Variants in ARL14EPL observed in about 807,000 individuals in gnomAD.
The protein encoded by ARL14EPL is ARL14 effector protein-like.
A neutral mutation model predicts 15.9 loss-of-function variants in ARL14EPL; 17 were observed. The ratio of observed to expected loss-of-function variants is 1.07; its 90% confidence interval spans 0.73 to 1.60. ARL14EPL has a LOEUF of 1.60. Among genes scored for constraint, ARL14EPL ranks in the 40% most tolerant of loss-of-function variants. The pLI is 0.00. For synonymous variants in ARL14EPL, 78 were observed against 63.8 expected (o/e 1.22, Z -1.06); for missense variants, 214 against 185.9 (o/e 1.15, Z -0.88).
chr5:116,054,330 C>T (rs866137983), intron 3 of ARL14EPL, among the ~76,000 whole-genome samples, 177 bp downstream of exon 3: 2 of 152,102 alleles, frequency 1.3e-5, no homozygotes, highest in South Asian at 2.1e-4. Context: ...GAAAAATAGA[C>T]TATAATCCCG....
intron 2 of ARL14EPL, among the ~76,000 whole-genome samples, chr5:116,052,753 A>G (rs1005012009): frequency 6.6e-6 from 1 of 152,254 alleles, no homozygotes; most frequent in Non-Finnish European, 1.5e-5. Context: ...ACTCTTATTA[A>G]ACTAAATAAA....
intron 1 of ARL14EPL, among the ~76,000 whole-genome samples, chr5:116,037,159 A>G (rs1749062407): frequency 6.6e-6 from 1 of 152,212 alleles, no homozygotes; most frequent in Non-Finnish European, 1.5e-5. Flanking sequence ...AAGGCCCAGC[A>G]TGGCTCTTGC....
intron 1 of ARL14EPL, among the ~76,000 whole-genome samples, chr5:116,032,951 C>T (rs1004404695): frequency 1.3e-5 from 2 of 152,060 alleles, no homozygotes; most frequent in African/African-American, 4.8e-5. Flanking sequence ...GTGTGCACCA[C>T]CATGCCTGGA....
At chr5:116,049,958 G>C (rs776811921) in intron 1 of ARL14EPL, among the ~76,000 whole-genome samples, 2 of 152,100 alleles carry the variant, frequency 1.3e-5, no homozygotes, top group African/African-American at 2.4e-5. Context: ...GAAAAGTTAA[G>C]ATAAACAAAA....
At chr5:116,042,289 G>A (rs954285720) in intron 1 of ARL14EPL, among the ~76,000 whole-genome samples, 2 of 152,190 alleles carry the variant, frequency 1.3e-5, no homozygotes, top group African/African-American at 2.4e-5. Context: ...GCACTTTGAA[G>A]AAAGGAACTG....
At chr5:116,034,367 A>G (rs1485963693) in intron 1 of ARL14EPL, among the ~76,000 whole-genome samples, 1 of 152,204 alleles carries the variant, frequency 6.6e-6, no homozygotes, top group Non-Finnish European at 1.5e-5. Flanking sequence ...TGACTTGTCA[A>G]TAGTGAGCAG....
chr5:116,053,309 G>A lies in ARL14EPL; in HGVS notation c.97-705G>A, dbSNP rs1356602576. Among the ~76,000 whole-genome samples, 3 of 146,848 alleles carry A rather than the reference G, an allele frequency of 2.0e-5. No individual in the cohort carries two copies. In the East Asian group the frequency reaches 5.9e-4, roughly 29 times the overall value. On this transcript the variant is annotated intron_variant, in intron 2 of 3. Coordinates refer to ENST00000686077, the MANE Select transcript of ARL14EPL (RefSeq NM_001195581.2). The stretch of plus-strand genomic sequence containing the variant: ...TGAGGCTGCAGTAAGCCATGATCAT[G>A]CCATAGCACTGCAGCCTGGGTGACA...
chr5:116,045,770 GTGTGTGTGTGTA>G (rs1041728312), intron 1 of ARL14EPL, among the ~76,000 whole-genome samples: 31 of 107,734 alleles, frequency 2.9e-4, no homozygotes, highest in African/African-American at 3.8e-4. Flanking sequence ...GTGTGTGTGT[GTGTGTGTGTGTA>G]TGTGTACGAA....
chr5:116,051,692 G>A (rs1384163740), intron 2 of ARL14EPL, 131 bp downstream of exon 2: 5 of 795,032 alleles, frequency 6.3e-6, no homozygotes, highest in Non-Finnish European at 7.8e-6. Context: ...TGCCGCCCAG[G>A]CTGATAGAGC....
chr5:116,038,786 A>G (rs1241797940), intron 1 of ARL14EPL, among the ~76,000 whole-genome samples: 1 of 144,670 alleles, frequency 6.9e-6, no homozygotes, highest in Non-Finnish European at 1.5e-5. Context: ...TTCTATGACT[A>G]ACTACTTCTA....
chr5:116,054,925 C>G (rs542356161), intron 3 of ARL14EPL, among the ~76,000 whole-genome samples: 1 of 151,044 alleles, frequency 6.6e-6, no homozygotes, highest in South Asian at 2.1e-4. Flanking sequence ...AATTAATATG[C>G]CCATTAAAAA....
chr5:116,035,143 A>G (rs1277906203), intron 1 of ARL14EPL, among the ~76,000 whole-genome samples: 2 of 152,156 alleles, frequency 1.3e-5, no homozygotes, highest in African/African-American at 4.8e-5. Flanking sequence ...AAAACTTAAG[A>G]GACTCTTTTA....
In ARL14EPL at chr5:116,058,777, C is replaced by T; in HGVS notation, c.289C>T (p.Leu97=). ...CAGGCTCATCTGTAATGACGCTGATCTGTGTGATTGTCTAGAGAAGAACTG... is the reference window on the plus strand; with the variant it reads ...CAGGCTCATCTGTAATGACGCTGATTTGTGTGATTGTCTAGAGAAGAACTG... ...SGRLICNDAD[L]CDCLEKNCLG... Residue 97 remains leucine, a synonymous_variant, in exon 4 of 4, where the codon CTG becomes TTG. Coordinates refer to ENST00000686077, the MANE Select transcript of ARL14EPL (RefSeq NM_001195581.2). 1 of 1,535,886 alleles carries T rather than the reference C, an allele frequency of 6.5e-7. No individual in the cohort carries two copies. Among genetic ancestry groups the T allele is most frequent in the Non-Finnish European group, 8.7e-7 (1 of 1,146,910 alleles).
chr5:116,052,270 G>A lies in ARL14EPL; in HGVS notation c.96+709G>A, dbSNP rs112960456. Reference sequence around the variant, plus strand: ...ACTTTCCAGCGTCCTTCTTCTCGTCGTCCTTGGGCGGCATTGCGAAGCTCG... The same window carrying A: ...ACTTTCCAGCGTCCTTCTTCTCGTCATCCTTGGGCGGCATTGCGAAGCTCG... On this transcript the variant is annotated intron_variant, in intron 2 of 3. Coordinates refer to ENST00000686077, the MANE Select transcript of ARL14EPL (RefSeq NM_001195581.2). 823 of 1,552,172 alleles carry A rather than the reference G, an allele frequency of 5.3e-4. 4 individuals carry two copies. The African/African-American group carries it at 9.5e-3, about 18-fold the overall frequency.
At chr5:116,037,393 C>T (rs1749065145) in intron 1 of ARL14EPL, among the ~76,000 whole-genome samples, 1 of 152,218 alleles carries the variant, frequency 6.6e-6, no homozygotes, top group Non-Finnish European at 1.5e-5. Context: ...AGGTCCCACA[C>T]ATCCTGCATA....
At position 116,051,458 on chromosome 5, in the gene ARL14EPL, G is replaced by GATCAGAGATGAATGAACA. The variant is rs1422274873; in HGVS notation, c.2_19dup. ...TACTTTTTCCAATTACTTTTTAAGT[G>GATCAGAGATGAATGAACA]ATCAGAGATGAATGAACAATCAGAG... is the stretch of plus-strand genomic sequence containing the variant. On this transcript the variant is annotated splice_region_variant and 5_prime_UTR_variant, in exon 2 of 4. It adds an upstream start codon to the 5' untranslated region. Coordinates refer to ENST00000686077, the MANE Select transcript of ARL14EPL (RefSeq NM_001195581.2). The GATCAGAGATGAATGAACA allele has an allele frequency of 6.6e-7, 1 of 1,517,094 alleles. No individual in the cohort carries two copies. Among genetic ancestry groups the GATCAGAGATGAATGAACA allele is most frequent in the Non-Finnish European group, 8.8e-7 (1 of 1,130,246 alleles). The allele number at this position is 1,517,094 out of a possible 1,614,324, so 94.0% of individuals were successfully genotyped here. A position where few individuals can be genotyped will look rare whatever the true frequency, so the allele number is the denominator to read the frequency against.
intron 3 of ARL14EPL, among the ~76,000 whole-genome samples, chr5:116,055,165 G>C (rs566101077): frequency 6.6e-6 from 1 of 152,142 alleles, no homozygotes; most frequent in African/African-American, 2.4e-5. Context: ...ATACTCCCCA[G>C]GGAGTCAGAA....
At chr5:116,033,730 T>C (rs1580408772) in intron 1 of ARL14EPL, among the ~76,000 whole-genome samples, 2 of 152,326 alleles carry the variant, frequency 1.3e-5, no homozygotes, top group Middle Eastern at 6.8e-3. Flanking sequence ...GGCTTTTTAG[T>C]ACAAACTCTT....
intron 1 of ARL14EPL, among the ~76,000 whole-genome samples, chr5:116,032,841 A>G (rs982299264): frequency 6.6e-6 from 1 of 152,148 alleles, no homozygotes; most frequent in African/African-American, 2.4e-5. Flanking sequence ...CTGTCAATGC[A>G]GGCTGGAGTG....
Sources: allele counts gnomAD v4.1 joint callset (sites outside exome capture counted in the v4.1 genomes callset), GRCh38; gene constraint gnomAD v4.1.1; transcripts MANE v1.5; gene names NCBI Gene and HGNC (gene_info 2026-07-23, HGNC 2026-07-21).